Variants in TSPAN9 observed in about 807,000 individuals in gnomAD.
The protein encoded by TSPAN9 is tetraspanin 9.
TSPAN9 carries 16 observed loss-of-function variants against 31.0 expected under a neutral mutation model. That is an observed-to-expected ratio of 0.52 (90% CI 0.35 to 0.78). The LOEUF is 0.78. TSPAN9 is among the 30% of genes least tolerant of loss of function. The probability of loss-of-function intolerance (pLI) is 0.01; values close to 1 mark genes in which losing one functional copy is unlikely to be tolerated. For missense variants in TSPAN9, 272 were observed against 312.5 expected (o/e 0.87, Z 0.98); for synonymous variants, 145 against 121.6 (o/e 1.19, Z -1.27).
intron 2 of TSPAN9, among the ~76,000 whole-genome samples, chr12:3,127,933 C>G (rs1219217831): frequency 6.6e-6 from 1 of 152,156 alleles, no homozygotes; most frequent in East Asian, 1.9e-4. Context: ...TTGTGGTAGA[C>G]ATTTTTACAC....
intron 2 of TSPAN9, among the ~76,000 whole-genome samples, chr12:3,089,299 A>AT (rs71057897): frequency 0.049 from 6,289 of 128,804 alleles, 497 homozygotes; most frequent in African/African-American, 0.16. Context: ...TTCAAGGTGA[A>AT]TTTTTTTTTT....
intron 2 of TSPAN9, among the ~76,000 whole-genome samples, chr12:3,138,438 T>C (rs1321076715): frequency 6.6e-6 from 1 of 151,814 alleles, no homozygotes; most frequent in Non-Finnish European, 1.5e-5. Flanking sequence ...CAGTCCTGTC[T>C]CCTCGCTGGG....
At chr12:3,132,745 CCT>C (rs1565587088) in intron 2 of TSPAN9, among the ~76,000 whole-genome samples, 2 of 152,194 alleles carry the variant, frequency 1.3e-5, no homozygotes, top group African/African-American at 4.8e-5. Context: ...TATTCAGTCT[CCT>C]CTGAAAGGCG....
At chr12:3,204,504 G>A (rs546103212) in intron 3 of TSPAN9, among the ~76,000 whole-genome samples, 1 of 152,308 alleles carries the variant, frequency 6.6e-6, no homozygotes, top group South Asian at 2.1e-4. Flanking sequence ...AGGCTGCTGG[G>A]TGCCTGCCTG....
At chr12:3,179,101 A>G (rs1227602769) in intron 2 of TSPAN9, among the ~76,000 whole-genome samples, 1 of 152,164 alleles carries the variant, frequency 6.6e-6, no homozygotes, top group Non-Finnish European at 1.5e-5. Context: ...TTAGACAGGA[A>G]CTATCAGGAG....
intron 2 of TSPAN9, among the ~76,000 whole-genome samples, chr12:3,138,921 G>T (rs1340998918): frequency 6.6e-6 from 1 of 152,106 alleles, no homozygotes; most frequent in Non-Finnish European, 1.5e-5. Flanking sequence ...CCCTCAGCCC[G>T]TGCTCTGTTC....
intron 2 of TSPAN9, among the ~76,000 whole-genome samples, chr12:3,094,304 G>T (rs2098306633): frequency 6.6e-6 from 1 of 152,010 alleles, no homozygotes; most frequent in Admixed American, 6.6e-5. Flanking sequence ...CTTTCTTTGC[G>T]CACCTTCCCA....
At chr12:3,100,558 T>C (rs1048170766) in intron 2 of TSPAN9, among the ~76,000 whole-genome samples, 2 of 152,162 alleles carry the variant, frequency 1.3e-5, no homozygotes, top group African/African-American at 4.8e-5. Context: ...ATGTCTGAAG[T>C]AGTTTCGTGT....
At chr12:3,271,521 T>A (rs1254806950) in intron 3 of TSPAN9, among the ~76,000 whole-genome samples, 1 of 148,536 alleles carries the variant, frequency 6.7e-6, no homozygotes, top group Non-Finnish European at 1.5e-5. Flanking sequence ...AAGAAAGAAT[T>A]CCTGGCTGAT....
At chr12:3,128,743 C>A (rs71458036) in intron 2 of TSPAN9, among the ~76,000 whole-genome samples, 20,728 of 152,212 alleles carry the variant, frequency 0.14, 1,743 homozygotes, top group Middle Eastern at 0.22. Flanking sequence ...ATCACATCAC[C>A]ATCATTATAT....
At chr12:3,121,548 T>G (rs1308398937) in intron 2 of TSPAN9, among the ~76,000 whole-genome samples, 5 of 142,426 alleles carry the variant, frequency 3.5e-5, no homozygotes, top group Non-Finnish European at 7.7e-5. Context: ...TTTTTTTTTT[T>G]TTTTTTTTTT....
intron 3 of TSPAN9, among the ~76,000 whole-genome samples, chr12:3,256,973 A>C (rs920686541): frequency 6.6e-6 from 1 of 152,134 alleles, no homozygotes; most frequent in African/African-American, 2.4e-5. Context: ...GTTTAGTTGA[A>C]TATCGAGGGT....
At chr12:3,156,331 C>T (rs2098342255) in intron 2 of TSPAN9, among the ~76,000 whole-genome samples, 1 of 152,108 alleles carries the variant, frequency 6.6e-6, no homozygotes, top group South Asian at 2.1e-4. Context: ...TATCTGTGTC[C>T]TCCCTCCATG....
chr12:3,109,299 T>TGTGTGTGTGTGTGTGTGAGAGA (rs1274383200), intron 2 of TSPAN9, among the ~76,000 whole-genome samples: 2 of 118,304 alleles, frequency 1.7e-5, no homozygotes, highest in African/African-American at 9.1e-5. Flanking sequence ...TGTGTGTGTG[T>TGTGTGTGTGTGTGTGTGAGAGA]GAGAGAGAGT....
At chr12:3,276,939 C>G (rs1368593765) in intron 3 of TSPAN9, among the ~76,000 whole-genome samples, 2 of 152,178 alleles carry the variant, frequency 1.3e-5, no homozygotes, top group East Asian at 1.9e-4. Context: ...GCGGGTTGCC[C>G]TGTCTCAGCC....
At chr12:3,118,798 A>T (rs2098323777) in intron 2 of TSPAN9, among the ~76,000 whole-genome samples, 1 of 152,098 alleles carries the variant, frequency 6.6e-6, no homozygotes, top group African/African-American at 2.4e-5. Context: ...TAGTTTCATC[A>T]TCTGTGACCT....
intron 2 of TSPAN9, among the ~76,000 whole-genome samples, chr12:3,136,705 G>A (rs1343642590): frequency 6.6e-6 from 1 of 152,202 alleles, no homozygotes; most frequent in Non-Finnish European, 1.5e-5. Flanking sequence ...CACATGTTCA[G>A]GTGCCCGTGG....
chr12:3,212,846 G>A (rs2153974147), intron 3 of TSPAN9, among the ~76,000 whole-genome samples: 1 of 152,290 alleles, frequency 6.6e-6, no homozygotes, highest in Non-Finnish European at 1.5e-5. Context: ...TTGTAGAGGA[G>A]GCAGGCTCTC....
At chr12:3,219,060 T>C (rs907937385) in intron 3 of TSPAN9, among the ~76,000 whole-genome samples, 16 of 152,212 alleles carry the variant, frequency 1.1e-4, no homozygotes, top group African/African-American at 3.9e-4. Flanking sequence ...TACAGAGCGA[T>C]GTGCCAGAGA....
Sources: allele counts gnomAD v4.1 joint callset (sites outside exome capture counted in the v4.1 genomes callset), GRCh38; gene constraint gnomAD v4.1.1; transcripts MANE v1.5; gene names NCBI Gene and HGNC (gene_info 2026-07-23, HGNC 2026-07-21).